The following CDH13 variants were observed in gnomAD, a reference collection of about 807,000 sequenced individuals.
CDH13 encodes the protein cadherin 13.
A neutral mutation model predicts 63.8 loss-of-function variants in CDH13; 24 were observed. That is an observed-to-expected ratio of 0.38 (90% confidence interval 0.27 to 0.53). CDH13 has a LOEUF of 0.53. Among genes scored for constraint, CDH13 ranks in the 20% least tolerant of loss-of-function variants. The probability of loss-of-function intolerance (pLI) is 0.85; values close to 1 mark genes in which losing one functional copy is unlikely to be tolerated. For missense variants in CDH13, 1,049 were observed against 903.1 expected (o/e 1.16, Z -2.07); for synonymous variants, 503 against 355.3 (o/e 1.42, Z -4.67).
At position 83,356,640 on chromosome 16, in the gene CDH13, T is replaced by C. The variant is rs961220544; in HGVS notation, c.781+11634T>C. ...ACTTCACCTTAATATATATATACAG[T>C]AAGATTTTTTTAAAGCCCTGAATAA... On this transcript the variant is annotated intron_variant, in intron 6 of 13. Transcript: ENST00000567109. Among the ~76,000 whole-genome samples the C allele has an allele frequency of 2.0e-5, 3 of 152,112 alleles. No individual in the cohort carries two copies. In the South Asian group the frequency reaches 6.2e-4, roughly 31 times the overall value.
rs1909853268 is a variant in CDH13 at position 82,644,575 on chromosome 16, G to C, written c.45+17438G>C. Among the ~76,000 whole-genome samples, 1 of 152,182 alleles carries C rather than the reference G, an allele frequency of 6.6e-6. No homozygotes were observed. Among genetic ancestry groups the C allele is most frequent in the Admixed American group, 6.5e-5 (1 of 15,280 alleles). Reference sequence around the variant, plus strand: ...TGCACGAGTTTGGGTGCTGGAAGGGGAGGCTTTATGGAGGCAAAGCTGAGG... The same window carrying C: ...TGCACGAGTTTGGGTGCTGGAAGGGCAGGCTTTATGGAGGCAAAGCTGAGG... On this transcript the variant is annotated intron_variant, in intron 1 of 13. Transcript: ENST00000567109. This position sits in a 1 kb window ranked among gnomAD's most constrained non-coding sequence, Gnocchi z 5.7.
chr16:83,485,326 T>C lies in CDH13; in HGVS notation c.782-1151T>C, dbSNP rs1489308. 1.3e-3 allele frequency among the ~76,000 whole-genome samples: 200 copies of C among 152,352 alleles called. 4 individuals carry two copies. The South Asian group carries it at 0.038, about 29-fold the overall frequency. ...CTGCCCAATGGTCCTTGACAATGGA[T>C]ATACCAGTTTCCCTTTATATCAGCT... On this transcript the variant is annotated intron_variant, in intron 6 of 13. Transcript: ENST00000567109.
chr16:83,106,738 C>T (rs1373037429), intron 3 of CDH13, among the ~76,000 whole-genome samples: 1 of 152,170 alleles, frequency 6.6e-6, no homozygotes, highest in Non-Finnish European at 1.5e-5. Context: ...TCACACCCTT[C>T]CACTTCAACT....
intron 7 of CDH13, among the ~76,000 whole-genome samples, chr16:83,596,221 G>A (rs111252970): frequency 1.3e-5 from 2 of 152,182 alleles, no homozygotes; most frequent in Non-Finnish European, 2.9e-5. Context: ...AAGTGAACCT[G>A]GACAAGTGAA....
In CDH13 at chr16:82,768,311, C is replaced by G. The variant is rs556485499; in HGVS notation, c.46-90051C>G. On this transcript the variant is annotated intron_variant, in intron 1 of 13. Transcript: ENST00000567109. ...CCTGCTAGTTGATAATGATGCCTCT[C>G]ACATGGCCAGTCATTTTAGCAATTA... Among the ~76,000 whole-genome samples the G allele has an allele frequency of 5.3e-5, 8 of 152,304 alleles. 1 individual carries two copies. The South Asian group carries it at 1.7e-3, about 32-fold the overall frequency.
intron 1 of CDH13, among the ~76,000 whole-genome samples, chr16:82,855,704 C>T (rs1378209725): frequency 2.6e-5 from 4 of 152,142 alleles, no homozygotes; most frequent in Non-Finnish European, 1.5e-5. Context: ...GTACAGATGC[C>T]AGACCACAGC....
At chr16:82,998,730 T>C (rs950314867) in intron 2 of CDH13, among the ~76,000 whole-genome samples, 1 of 152,190 alleles carries the variant, frequency 6.6e-6, no homozygotes, top group African/African-American at 2.4e-5. Context: ...ATGTTCCATA[T>C]CCTTAGAATA....
intron 6 of CDH13, among the ~76,000 whole-genome samples, chr16:83,390,697 G>T (rs1214480584): frequency 6.6e-6 from 1 of 152,024 alleles, no homozygotes; most frequent in Non-Finnish European, 1.5e-5. Context: ...TAGTGCTCAG[G>T]GAAGTTAAGA....
At chr16:83,792,352 C>T (rs1167055452) in intron 13 of CDH13, among the ~76,000 whole-genome samples, 1 of 151,306 alleles carries the variant, frequency 6.6e-6, no homozygotes, top group African/African-American at 2.4e-5. Context: ...AGCCCTGGGA[C>T]GAGTCACTTA....
intron 8 of CDH13, among the ~76,000 whole-genome samples, chr16:83,635,948 T>C (rs1483115639): frequency 6.6e-6 from 1 of 152,222 alleles, no homozygotes. Flanking sequence ...TTTTTACATC[T>C]AAGTCCATGA....
chr16:83,017,806 C>T (rs967902031), intron 2 of CDH13, among the ~76,000 whole-genome samples: 4 of 152,174 alleles, frequency 2.6e-5, no homozygotes, highest in Admixed American at 6.5e-5. Flanking sequence ...TTTGATGCCA[C>T]AGCCATTTAT....
chr16:83,267,454 A>T (rs1019813223), intron 5 of CDH13, among the ~76,000 whole-genome samples: 1 of 152,150 alleles, frequency 6.6e-6, no homozygotes, highest in Non-Finnish European at 1.5e-5. Flanking sequence ...TGTGTGTGCG[A>T]TGATTTAAAT....
At chr16:83,090,670 C>G (rs1307223045) in intron 3 of CDH13, among the ~76,000 whole-genome samples, 2 of 152,040 alleles carry the variant, frequency 1.3e-5, no homozygotes, top group Non-Finnish European at 2.9e-5. Context: ...TCGGTAATCC[C>G]TCTGACTGAC....
chr16:83,788,471 T>A (rs1289921429), intron 13 of CDH13, among the ~76,000 whole-genome samples: 1 of 107,460 alleles, frequency 9.3e-6, no homozygotes, highest in Non-Finnish European at 2.1e-5. Context: ...TTGAATTTTT[T>A]TTTTTAGATT....
chr16:83,117,672 A>T (rs2035370068), intron 3 of CDH13, among the ~76,000 whole-genome samples: 1 of 152,028 alleles, frequency 6.6e-6, no homozygotes, highest in Admixed American at 6.6e-5. Flanking sequence ...AATGAATGAA[A>T]GAATGAATGA....
intron 1 of CDH13, among the ~76,000 whole-genome samples, chr16:82,659,465 GCAAGCAGTC>G (rs1911679276): frequency 6.6e-6 from 1 of 152,154 alleles, no homozygotes; most frequent in South Asian, 2.1e-4. Flanking sequence ...AAAAATGGCA[GCAAGCAGTC>G]CATTCTCAAA....
chr16:83,545,094 C>T (rs2075362036), intron 7 of CDH13, among the ~76,000 whole-genome samples: 2 of 152,144 alleles, frequency 1.3e-5, no homozygotes, highest in South Asian at 4.1e-4. Context: ...AACTCACAAG[C>T]CCATTGTTAG....
intron 5 of CDH13, among the ~76,000 whole-genome samples, chr16:83,267,011 C>G (rs1386441300): frequency 6.6e-6 from 1 of 152,204 alleles, no homozygotes; most frequent in African/African-American, 2.4e-5. Flanking sequence ...ATCTCATCAT[C>G]TACTTAAACA....
chr16:82,858,502 A>C lies in CDH13; in HGVS notation c.157+29A>C, dbSNP rs752514018. ...AGCAATGTCACTCAAAGATGCTTTTAGACTCTTCTCATATTTGAATTTACT... is the reference window on the plus strand; with the variant it reads ...AGCAATGTCACTCAAAGATGCTTTTCGACTCTTCTCATATTTGAATTTACT... On this transcript the variant is annotated intron_variant, in intron 2 of 13. Transcript: ENST00000567109. The C allele has an allele frequency of 2.3e-6, 3 of 1,285,986 alleles. No individual in the cohort carries two copies. In the East Asian group the frequency reaches 6.9e-5, roughly 30 times the overall value. The allele number at this position is 1,285,986 out of a possible 1,614,324, so 79.7% of individuals were successfully genotyped here. A position where few individuals can be genotyped will look rare whatever the true frequency, so the allele number is the denominator to read the frequency against.
Sources: gnomAD v4.1 joint callset for allele counts (sites outside exome capture counted in the v4.1 genomes callset) on GRCh38, gnomAD v4.1.1 for gene constraint, Gnocchi (gnomAD v3.1) non-coding constraint, MANE v1.5 for transcripts, NCBI Gene and HGNC (gene_info 2026-07-23, HGNC 2026-07-21) for gene names.